Variants in GPHN observed in about 807,000 individuals in gnomAD.
GPHN encodes the protein gephyrin.
A neutral mutation model predicts 95.5 loss-of-function variants in GPHN; 17 were observed. The ratio of observed to expected loss-of-function variants is 0.18; its 90% CI spans 0.12 to 0.27. GPHN has a LOEUF of 0.27. Ranked by LOEUF, GPHN falls within the 10% of genes least tolerant of loss-of-function variation. The pLI, the probability that GPHN is intolerant of heterozygous loss-of-function variation, is 1.00. For missense variants in GPHN, 660 were observed against 978.1 expected, an observed-to-expected ratio of 0.67 and a Z score of 4.34; for synonymous variants, 320 against 322.5, an observed-to-expected ratio of 0.99 and a Z score of 0.08.
the GPHN span, chr14:67,223,940 A>C: frequency 2.0e-6 from 2 of 985,338 alleles, no homozygotes; most frequent in Non-Finnish European, 2.4e-6. Flanking sequence ...CAAATTAAAA[A>C]TGAGTCCGTA....
the GPHN span, among the ~76,000 whole-genome samples, chr14:67,315,593 T>C: frequency 6.6e-6 from 1 of 152,194 alleles, no homozygotes; most frequent in African/African-American, 2.4e-5. Context: ...ATTTTAATAC[T>C]CTTAAAATTT....
intron 10 of GPHN, among the ~76,000 whole-genome samples, chr14:67,025,453 T>C (rs1164468007): frequency 1.3e-5 from 2 of 152,194 alleles, no homozygotes; most frequent in African/African-American, 2.4e-5. Context: ...TTGTTCTCTT[T>C]CTGTTTTGTT....
intron 1 of GPHN, among the ~76,000 whole-genome samples, chr14:66,512,740 A>G (rs2058087825): frequency 6.6e-6 from 1 of 151,776 alleles, no homozygotes; most frequent in Non-Finnish European, 1.5e-5. Flanking sequence ...CATTCAAAGT[A>G]TTAAAAAAAC....
chr14:67,645,237 C>T, the GPHN span, among the ~76,000 whole-genome samples: 2 of 151,594 alleles, frequency 1.3e-5, no homozygotes, highest in African/African-American at 4.8e-5. Context: ...TGGTCTTGAA[C>T]CCCTGGGCTC....
chr14:66,828,709 C>A (rs1353958520), intron 4 of GPHN, among the ~76,000 whole-genome samples: 1 of 151,680 alleles, frequency 6.6e-6, no homozygotes, highest in Middle Eastern at 3.4e-3. Context: ...TGAAAAAAAA[C>A]AATCCAAAGA....
intron 11 of GPHN, among the ~76,000 whole-genome samples, chr14:67,065,778 T>G (rs944967613): frequency 3.3e-5 from 5 of 151,382 alleles, no homozygotes; most frequent in Non-Finnish European, 5.9e-5. Flanking sequence ...TTTTTTGCTT[T>G]CCATTTGATT....
chr14:67,729,323 C>T, the GPHN span: 2 of 1,599,900 alleles, frequency 1.3e-6, no homozygotes, highest in South Asian at 1.1e-5. Context: ...GGGGCGCAGA[C>T]CAGCCTGCAC....
At chr14:67,276,832 C>T in the GPHN span, among the ~76,000 whole-genome samples, 4 of 152,054 alleles carry the variant, frequency 2.6e-5, no homozygotes, top group Non-Finnish European at 5.9e-5. Flanking sequence ...TGACCTGGCC[C>T]GGTCTCTCTT....
chr14:66,599,391 C>CCTTTTTTTTT (rs1566679513), intron 1 of GPHN, among the ~76,000 whole-genome samples: 3 of 74,048 alleles, frequency 4.1e-5, no homozygotes, highest in East Asian at 6.4e-4. Context: ...TTTTTTTTTG[C>CCTTTTTTTTT]ATTTTTTTTT....
At chr14:67,117,658 A>G (rs1036208893) in intron 16 of GPHN, among the ~76,000 whole-genome samples, 11 of 152,184 alleles carry the variant, frequency 7.2e-5, no homozygotes, top group Non-Finnish European at 5.9e-5. Context: ...GCACACAACA[A>G]TGTGGCCAAC....
chr14:67,160,357 TTTCA>T (rs1285971999), intron 19 of GPHN, among the ~76,000 whole-genome samples: 1 of 152,116 alleles, frequency 6.6e-6, no homozygotes, highest in African/African-American at 2.4e-5. Context: ...TGCAAGAATG[TTTCA>T]TTAAGTAGGC....
chr14:66,913,180 C>T (rs2065752047), intron 5 of GPHN, among the ~76,000 whole-genome samples: 1 of 152,152 alleles, frequency 6.6e-6, no homozygotes, highest in African/African-American at 2.4e-5. Flanking sequence ...CAACATCTTT[C>T]CACTGGTCCT....
intron 3 of GPHN, among the ~76,000 whole-genome samples, chr14:66,801,413 G>A (rs963321049): frequency 4.6e-5 from 7 of 152,112 alleles, no homozygotes; most frequent in African/African-American, 9.7e-5. Flanking sequence ...GCCCAGTAAC[G>A]CTGAGATTCT....
At chr14:67,468,147 G>T in the GPHN span, among the ~76,000 whole-genome samples, 1 of 151,916 alleles carries the variant, frequency 6.6e-6, no homozygotes, top group Non-Finnish European at 1.5e-5. Context: ...CTAATTTTTG[G>T]ATTTTTAGTA....
At chr14:67,726,124 C>A in the GPHN span, 1 of 1,613,544 alleles carries the variant, frequency 6.2e-7, no homozygotes, top group East Asian at 2.2e-5. Flanking sequence ...CAGCTGATGG[C>A]TTTGAAACCC....
chr14:66,762,819 A>G (rs1428267115), intron 2 of GPHN, among the ~76,000 whole-genome samples: 2 of 152,226 alleles, frequency 1.3e-5, no homozygotes, highest in Non-Finnish European at 2.9e-5. Context: ...GAAAAAAAGA[A>G]TGGTGAGGTA....
chr14:67,468,868 C>A, the GPHN span, among the ~76,000 whole-genome samples: 3 of 150,560 alleles, frequency 2.0e-5, no homozygotes, highest in African/African-American at 7.4e-5. Flanking sequence ...GCACTCCAGT[C>A]TGGGTAATAG....
intron 9 of GPHN, among the ~76,000 whole-genome samples, chr14:66,967,405 G>A (rs2069415342): frequency 6.6e-6 from 1 of 151,906 alleles, no homozygotes; most frequent in Non-Finnish European, 1.5e-5. Flanking sequence ...TAAACTAGGT[G>A]CTTTTATAAG....
intron 5 of GPHN, among the ~76,000 whole-genome samples, chr14:66,893,107 T>C (rs1165847583): frequency 6.6e-6 from 1 of 152,190 alleles, no homozygotes; most frequent in Non-Finnish European, 1.5e-5. Context: ...TTTCTCCTTC[T>C]CTCACCCAAC....
Sources: allele counts gnomAD v4.1 joint callset (sites outside exome capture counted in the v4.1 genomes callset), GRCh38; gene constraint gnomAD v4.1.1; transcripts MANE v1.5; gene names NCBI Gene and HGNC (gene_info 2026-07-23, HGNC 2026-07-21).